The following CYP4F12 variants were observed in gnomAD, a reference collection of about 807,000 sequenced individuals.
The protein encoded by CYP4F12 is cytochrome P450 family 4 subfamily F member 12.
A neutral mutation model predicts 56.5 loss-of-function variants in CYP4F12; 60 were observed. The observed-to-expected ratio is 1.06, with a 90% CI of 0.86 to 1.32. The LOEUF (loss-of-function observed/expected upper bound fraction) is 1.32. Among genes scored for constraint, CYP4F12 ranks in the 40% most tolerant of loss-of-function variants. CYP4F12 has a pLI of 0.00. For synonymous variants in CYP4F12, 263 were observed against 264.9 expected, an observed-to-expected ratio of 0.99 and a Z score of 0.07; for missense variants, 711 against 683.5, an observed-to-expected ratio of 1.04 and a Z score of -0.45.
chr19:15,694,108 GAAGTC>G (rs1471685192), intron 9 of CYP4F12, among the ~76,000 whole-genome samples: 1 of 151,718 alleles, frequency 6.6e-6, no homozygotes, highest in Non-Finnish European at 1.5e-5. Context: ...AGTATAGTTT[GAAGTC>G]AAGTAGCATG....
intron 1 of CYP4F12, 139 bp downstream of exon 1, chr19:15,673,274 G>A: frequency 1.7e-6 from 1 of 605,598 alleles, no homozygotes; most frequent in Non-Finnish European, 3.0e-6. Context: ...AAACTCCCAA[G>A]GATTCAGGTG....
chr19:15,690,162 T>C (rs1035161756), intron 9 of CYP4F12, among the ~76,000 whole-genome samples: 1 of 152,216 alleles, frequency 6.6e-6, no homozygotes, highest in Non-Finnish European at 1.5e-5. Flanking sequence ...GGAGCTTTTC[T>C]TTTTCTAAAA....
chr19:15,678,159 A>T lies in CYP4F12; in HGVS notation c.199-102A>T, dbSNP rs1057166710. ...CTCAAACACCCTCACAGACACACAC[A>T]GCAATAATGTTTGACTGGCTATCTG... On this transcript the variant is annotated intron_variant, in intron 2 of 12. Coordinates refer to ENST00000550308, the MANE Select transcript of CYP4F12 (RefSeq NM_023944.4). 14 of 1,440,376 alleles carry T rather than the reference A, an allele frequency of 9.7e-6. No individual in the cohort carries two copies. The Admixed American group carries it at 1.9e-4, about 20-fold the overall frequency. The allele number at this position is 1,440,376 out of a possible 1,614,324, so 89.2% of individuals were successfully genotyped here.
rs2007698664 is a variant in CYP4F12, at chr19:15,687,955, T to A, written c.1115+2758T>A. Among the ~76,000 whole-genome samples, 3 of 151,870 alleles carry A rather than the reference T, an allele frequency of 2.0e-5. 1 individual carries two copies. The South Asian group carries it at 6.2e-4, about 32-fold the overall frequency. On this transcript the variant is annotated intron_variant, in intron 9 of 12. Coordinates refer to ENST00000550308, the MANE Select transcript of CYP4F12 (RefSeq NM_023944.4). ...ATGAATTTCTTGATATAACCTCGAG[T>A]GGGGATGAACTCCCTTGACCAGAAC... is the stretch of plus-strand genomic sequence containing the variant.
chr19:15,685,450 T>A (rs887570077), intron 9 of CYP4F12, among the ~76,000 whole-genome samples: 8 of 152,206 alleles, frequency 5.3e-5, no homozygotes, highest in African/African-American at 1.9e-4. Context: ...ACTTTGCACA[T>A]GTTCAGCAAA....
chr19:15,686,821 G>C (rs2007629564), intron 9 of CYP4F12, among the ~76,000 whole-genome samples: 1 of 152,278 alleles, frequency 6.6e-6, no homozygotes, highest in Non-Finnish European at 1.5e-5. Context: ...CAGGGGCTGG[G>C]GATGGAGAGG....
At position 15,684,798 on chromosome 19, in the gene CYP4F12, G is replaced by C; in HGVS notation, c.919-18G>C. On this transcript the variant is annotated intron_variant, in intron 7 of 12. Coordinates refer to ENST00000550308, the MANE Select transcript of CYP4F12 (RefSeq NM_023944.4). ...TGTGTGTGTGTGTGTGTGTGTGTGTGTCTTGCTTTCTCTTCAGGATGAAGA... is the reference window on the plus strand; with the variant it reads ...TGTGTGTGTGTGTGTGTGTGTGTGTCTCTTGCTTTCTCTTCAGGATGAAGA... 1 of 1,453,724 alleles carries C rather than the reference G, an allele frequency of 6.9e-7. No individual in the cohort carries two copies. The highest frequency in any genetic ancestry group is 1.2e-5 in the South Asian group (1 of 86,860). The allele number at this position is 1,453,724 out of a possible 1,614,324, so 90.1% of individuals were successfully genotyped here.
intron 9 of CYP4F12, among the ~76,000 whole-genome samples, chr19:15,692,252 C>T (rs946328287): frequency 6.6e-6 from 1 of 152,144 alleles, no homozygotes; most frequent in Non-Finnish European, 1.5e-5. Flanking sequence ...TAATATCTGG[C>T]AGAGTGGCTT....
In CYP4F12 at chr19:15,678,419, G is replaced by T. The variant is rs1235920779; in HGVS notation, c.343+14G>T. ...CCAATGCCTCAGGTACCCATGCAGA[G>T]CTTGTGGTGGTGGGTGCCAGACCAA... On this transcript the variant is annotated intron_variant, in intron 3 of 12. Transcript: ENST00000550308. 6.2e-7 allele frequency: 1 copy of T among 1,614,036 alleles called. No individual in the cohort carries two copies. The highest frequency in any genetic ancestry group is 1.7e-5 in the Admixed American group (1 of 60,018).
chr19:15,686,766 G>A (rs1337625736), intron 9 of CYP4F12, among the ~76,000 whole-genome samples: 1 of 152,192 alleles, frequency 6.6e-6, no homozygotes, highest in Admixed American at 6.5e-5. Context: ...AGGACCAGCT[G>A]TAGAATGAAG....
Position 15,696,980 on chromosome 19 carries a change from G to C in CYP4F12, c.1470G>C (p.Arg490=). 6.2e-7 allele frequency: 1 copy of C among 1,614,246 alleles called. No homozygotes were observed. The highest frequency in any genetic ancestry group is 1.6e-4 in the Middle Eastern group (1 of 6,062). ...VVLALMLLHF[R]FLPDHTEPRR... Reference sequence around the variant, plus strand: ...TGGCGTTGATGCTGCTGCACTTCCGGTTCCTGCCAGACCACACTGAGCCCC... The same window carrying C: ...TGGCGTTGATGCTGCTGCACTTCCGCTTCCTGCCAGACCACACTGAGCCCC... The change falls in exon 13 of 13, where the codon CGG becomes CGC. Residue 490 remains arginine, a synonymous_variant. Coordinates refer to ENST00000550308, the MANE Select transcript of CYP4F12 (RefSeq NM_023944.4).
rs1362234710 is a variant in CYP4F12, at chr19:15,696,205, A to G, written c.1294A>G (p.Thr432Ala). 6.2e-7 allele frequency: 1 copy of G among 1,614,006 alleles called. No individual in the cohort carries two copies. Among genetic ancestry groups the G allele is most frequent in the African/African-American group, 1.3e-5 (1 of 74,904 alleles). The stretch of plus-strand genomic sequence containing the variant: ...TATTATAGGGGTCCATCACAACCCA[A>G]CTGTGTGGCCGGATCCTGAGGTGCT... ...IDIIGVHHNP[T>A]VWPDPEVYDP... The change falls in exon 11 of 13, where the codon ACT becomes GCT. Residue 432 changes from threonine to alanine, a missense_variant. Transcript: ENST00000550308.
At chr19:15,685,673 A>T (rs1028591216) in intron 9 of CYP4F12, among the ~76,000 whole-genome samples, 4 of 152,200 alleles carry the variant, frequency 2.6e-5, no homozygotes, top group Non-Finnish European at 4.4e-5. Context: ...TGGGACAGAG[A>T]GTCCTAGCCC....
chr19:15,673,178 G>A, intron 1 of CYP4F12, 43 bp downstream of exon 1: 2 of 480,314 alleles, frequency 4.2e-6, no homozygotes, highest in Non-Finnish European at 4.1e-6. Context: ...CCTGGCCTGG[G>A]ATGAAGAGGG....
chr19:15,682,583 C>T (rs915413628), intron 6 of CYP4F12, 73 bp downstream of exon 6: 1 of 1,591,964 alleles, frequency 6.3e-7, no homozygotes, highest in African/African-American at 1.3e-5. Context: ...GAGGAATGAG[C>T]AAAGTAACCA....
intron 7 of CYP4F12, 106 bp downstream of exon 7, chr19:15,683,869 G>A (rs2007454478): frequency 2.8e-6 from 4 of 1,414,370 alleles, no homozygotes; most frequent in South Asian, 1.6e-5. Context: ...AGCCATGGAA[G>A]ATGCTTGAGA....
intron 3 of CYP4F12, among the ~76,000 whole-genome samples, chr19:15,679,423 A>G (rs1330310633): frequency 6.6e-6 from 1 of 152,112 alleles, no homozygotes; most frequent in Non-Finnish European, 1.5e-5. Context: ...CATGGGTCCT[A>G]GCAGCTCAGT....
Position 15,683,355 on chromosome 19 carries a change from C to T in CYP4F12, c.648-138C>T. Reference sequence around the variant, plus strand: ...GAGAGTCAGTCTCATGACTGATACCCACCATGTATCTCTAGGACCATCTAT... The same window carrying T: ...GAGAGTCAGTCTCATGACTGATACCTACCATGTATCTCTAGGACCATCTAT... On this transcript the variant is annotated intron_variant, in intron 6 of 12. Transcript: ENST00000550308. The T allele has an allele frequency of 4.5e-6, 4 of 880,122 alleles. No homozygotes were observed. In the South Asian group the frequency reaches 5.5e-5, roughly 12 times the overall value. The allele number at this position is 880,122 out of a possible 1,614,324, so 54.5% of individuals were successfully genotyped here. A position where few individuals can be genotyped will look rare whatever the true frequency, so the allele number is the denominator to read the frequency against.
chr19:15,688,793 G>T (rs1253716720), intron 9 of CYP4F12, among the ~76,000 whole-genome samples: 1 of 152,186 alleles, frequency 6.6e-6, no homozygotes, highest in Non-Finnish European at 1.5e-5. Context: ...GGAGGACCCA[G>T]AAATAAAGCC....
Sources: gnomAD v4.1 joint callset for allele counts (sites outside exome capture counted in the v4.1 genomes callset) on GRCh38, gnomAD v4.1.1 for gene constraint, MANE v1.5 for transcripts, NCBI Gene and HGNC (gene_info 2026-07-23, HGNC 2026-07-21) for gene names.